Variants in TASP1 observed in about 807,000 individuals in gnomAD.
TASP1 encodes taspase 1.
In TASP1, 16 loss-of-function variants were observed where a neutral mutation model predicts 56.6. That is an observed-to-expected ratio of 0.28 (90% CI 0.19 to 0.43). The LOEUF (loss-of-function observed/expected upper bound fraction) is 0.43. Among genes scored for constraint, TASP1 ranks in the 20% least tolerant of loss-of-function variants. The probability of loss-of-function intolerance (pLI) is 1.00; values close to 1 mark genes in which losing one functional copy is unlikely to be tolerated. For synonymous variants in TASP1, 179 were observed against 184.2 expected, an observed-to-expected ratio of 0.97 and a Z score of 0.23; for missense variants, 393 against 511.6, an observed-to-expected ratio of 0.77 and a Z score of 2.24.
chr20:13,263,113 T>C, the TASP1 span, among the ~76,000 whole-genome samples: 1 of 152,238 alleles, frequency 6.6e-6, no homozygotes, highest in African/African-American at 2.4e-5. Flanking sequence ...CTGCCAGCAA[T>C]AGTTCCTAAA....
chr20:13,356,300 G>GAAC, the TASP1 span, among the ~76,000 whole-genome samples: 1 of 152,186 alleles, frequency 6.6e-6, no homozygotes, highest in Non-Finnish European at 1.5e-5. Context: ...ATTTCACAAT[G>GAAC]AACAATAGGA....
At chr20:13,590,785 G>A (rs1412913793) in intron 4 of TASP1, among the ~76,000 whole-genome samples, 1 of 151,994 alleles carries the variant, frequency 6.6e-6, no homozygotes, top group Non-Finnish European at 1.5e-5. Flanking sequence ...AGAATCACTT[G>A]AACCCGGGAG....
At chr20:13,490,641 T>C (rs1436207346) in intron 10 of TASP1, among the ~76,000 whole-genome samples, 1 of 152,114 alleles carries the variant, frequency 6.6e-6, no homozygotes, top group African/African-American at 2.4e-5. Flanking sequence ...TTATTTACTC[T>C]ATTCATTCAT....
Position 13,630,117 on chromosome 20 carries a change from C to T in TASP1, c.-39G>A. The T allele has an allele frequency of 2.5e-6, 4 of 1,588,736 alleles. No homozygotes were observed. The South Asian group carries it at 4.6e-5, about 18-fold the overall frequency. On this transcript the variant is annotated 5_prime_UTR_variant, in exon 2 of 14. Coordinates refer to ENST00000337743, the MANE Select transcript of TASP1 (RefSeq NM_017714.3). ...CATCTTCTACTGAGAAAGGGGCATA[C>T]TTCCATCCAAAAGTAATTGCAGGAG...
chr20:13,209,296 A>T, the TASP1 span, among the ~76,000 whole-genome samples: 3 of 152,220 alleles, frequency 2.0e-5, no homozygotes, highest in Non-Finnish European at 2.9e-5. Flanking sequence ...GTTTTTGTTA[A>T]GTAGCATTAT....
intron 11 of TASP1, among the ~76,000 whole-genome samples, chr20:13,436,523 T>C (rs1409922870): frequency 1.3e-5 from 2 of 152,004 alleles, no homozygotes; most frequent in African/African-American, 2.4e-5. Flanking sequence ...AGGAAGTGAC[T>C]CCTCCCTAAC....
chr20:13,216,758 G>C, the TASP1 span, among the ~76,000 whole-genome samples: 3 of 152,092 alleles, frequency 2.0e-5, no homozygotes, highest in African/African-American at 4.8e-5. Flanking sequence ...CAAACGTAGG[G>C]GTCAGGTAGG....
At chr20:13,560,622 G>GA (rs869214381) in intron 7 of TASP1, among the ~76,000 whole-genome samples, 5 of 152,116 alleles carry the variant, frequency 3.3e-5, no homozygotes, top group East Asian at 3.9e-4. Context: ...AAGGTGGGGG[G>GA]AAAAAACAGG....
chr20:13,638,424 C>T (rs117741673), intron 1 of TASP1, among the ~76,000 whole-genome samples: 184 of 152,116 alleles, frequency 1.2e-3, no homozygotes, highest in Non-Finnish European at 1.9e-3. Flanking sequence ...TCTTCCTCCT[C>T]CTCCTCCCCC....
At chr20:13,311,299 G>A in the TASP1 span, among the ~76,000 whole-genome samples, 1 of 144,044 alleles carries the variant, frequency 6.9e-6, no homozygotes, top group Non-Finnish European at 1.5e-5. Flanking sequence ...ATATTTGTAA[G>A]AATGTGGAAA....
chr20:13,261,139 C>T, the TASP1 span, among the ~76,000 whole-genome samples: 1 of 152,180 alleles, frequency 6.6e-6, no homozygotes, highest in Non-Finnish European at 1.5e-5. Context: ...GAAGGCCAGG[C>T]ACAGTGGCTC....
the TASP1 span, among the ~76,000 whole-genome samples, chr20:13,133,694 T>C: frequency 6.6e-6 from 1 of 151,928 alleles, no homozygotes; most frequent in African/African-American, 2.4e-5. Context: ...AGTTAAGGGG[T>C]AGCACCAGAG....
chr20:13,145,057 G>A, the TASP1 span, among the ~76,000 whole-genome samples: 4 of 151,996 alleles, frequency 2.6e-5, no homozygotes, highest in Admixed American at 1.3e-4. Context: ...TTACAGGTGT[G>A]AGCCACCGCA....
chr20:13,135,326 T>G, the TASP1 span, among the ~76,000 whole-genome samples: 1 of 152,152 alleles, frequency 6.6e-6, no homozygotes, highest in East Asian at 1.9e-4. Context: ...GAATGGTCTC[T>G]CCTATAATTA....
chr20:13,452,251 T>C (rs2043648857), intron 11 of TASP1, among the ~76,000 whole-genome samples: 1 of 152,058 alleles, frequency 6.6e-6, no homozygotes, highest in Non-Finnish European at 1.5e-5. Flanking sequence ...ATTTGTTCAA[T>C]GCAGAGTTGC....
chr20:13,474,551 T>A (rs917028798), intron 11 of TASP1, among the ~76,000 whole-genome samples: 3 of 152,206 alleles, frequency 2.0e-5, no homozygotes, highest in Non-Finnish European at 2.9e-5. Flanking sequence ...GGTACTAAGG[T>A]TGGTTCCATA....
chr20:13,361,943 TTC>T, the TASP1 span, among the ~76,000 whole-genome samples: 126 of 151,678 alleles, frequency 8.3e-4, no homozygotes, highest in African/African-American at 2.9e-3. Context: ...GTTTTTCTCC[TTC>T]TGTTTTTCCA....
At chr20:13,466,364 T>C (rs1054700147) in intron 11 of TASP1, among the ~76,000 whole-genome samples, 1 of 152,198 alleles carries the variant, frequency 6.6e-6, no homozygotes, top group African/African-American at 2.4e-5. Flanking sequence ...TATTTTGACA[T>C]TGATGACAGC....
the TASP1 span, among the ~76,000 whole-genome samples, chr20:13,242,751 C>T: frequency 6.6e-6 from 1 of 152,068 alleles, no homozygotes; most frequent in African/African-American, 2.4e-5. Flanking sequence ...GTAGGAATTA[C>T]TTGAGCCTTG....
Sources: gnomAD v4.1 joint callset for allele counts (sites outside exome capture counted in the v4.1 genomes callset) on GRCh38, gnomAD v4.1.1 for gene constraint, MANE v1.5 for transcripts, NCBI Gene and HGNC (gene_info 2026-07-23, HGNC 2026-07-21) for gene names.